Variants in EIF2AK3 observed in about 807,000 individuals in gnomAD.
EIF2AK3 encodes the protein eukaryotic translation initiation factor 2-alpha kinase 3.
A neutral mutation model predicts 113.5 loss-of-function variants in EIF2AK3; 50 were observed. The ratio of observed to expected loss-of-function variants is 0.44; its 90% CI spans 0.35 to 0.56. The LOEUF (loss-of-function observed/expected upper bound fraction) is 0.56. Ranked by LOEUF, EIF2AK3 falls within the 20% of genes least tolerant of loss-of-function variation. The probability of loss-of-function intolerance (pLI) is 0.00; values close to 1 mark genes in which losing one functional copy is unlikely to be tolerated. For missense variants in EIF2AK3, 1,185 were observed against 1,378.0 expected (o/e 0.86, Z 2.22); for synonymous variants, 448 against 495.4 (o/e 0.90, Z 1.27).
intron 13 of EIF2AK3, among the ~76,000 whole-genome samples, chr2:88,574,298 C>CA (rs1049147641): frequency 1.3e-4 from 20 of 152,124 alleles, no homozygotes; most frequent in Middle Eastern, 3.2e-3. Context: ...CAGGGTTACT[C>CA]AAAACCATAG....
At chr2:88,608,000 C>T (rs1250273874) in intron 2 of EIF2AK3, among the ~76,000 whole-genome samples, 1 of 152,156 alleles carries the variant, frequency 6.6e-6, no homozygotes, top group Non-Finnish European at 1.5e-5. Flanking sequence ...AGAATTAAGA[C>T]TAAAACTGAA....
At chr2:88,587,626 G>T (rs1010528741) in intron 8 of EIF2AK3, among the ~76,000 whole-genome samples, 1 of 152,078 alleles carries the variant, frequency 6.6e-6, no homozygotes, top group African/African-American at 2.4e-5. Flanking sequence ...AGCTAATAAC[G>T]AGAACCAATG....
At chr2:88,560,312 T>G (rs1342364482) in intron 15 of EIF2AK3, among the ~76,000 whole-genome samples, 2 of 152,236 alleles carry the variant, frequency 1.3e-5, no homozygotes, top group African/African-American at 2.4e-5. Context: ...GTCTTTTTGT[T>G]GAGTTGTAAT....
At chr2:88,597,071 T>G (rs1675039084) in intron 2 of EIF2AK3, among the ~76,000 whole-genome samples, 1 of 152,242 alleles carries the variant, frequency 6.6e-6, no homozygotes, top group African/African-American at 2.4e-5. Context: ...CATAGTTTTT[T>G]GTTCTTTAAG....
At position 88,608,917 on chromosome 2, in the gene EIF2AK3, A is replaced by G. The variant is rs1209486687; in HGVS notation, c.438+4807T>C. ...TTTTTTTGTATTTTGTATTTTTTGTAGAGATGGGGTTTTGCCATGTTGCCC... is the reference window on the plus strand; with the variant it reads ...TTTTTTTGTATTTTGTATTTTTTGTGGAGATGGGGTTTTGCCATGTTGCCC... On this transcript the variant is annotated intron_variant, in intron 2 of 16. Transcript: ENST00000303236. Among the ~76,000 whole-genome samples the G allele has an allele frequency of 3.5e-5, 5 of 141,902 alleles. No homozygotes were observed. In the East Asian group the frequency reaches 1.0e-3, roughly 29 times the overall value. 93.1% of individuals were successfully genotyped at this position (141,902 alleles called of 152,430 possible).
chr2:88,563,236 G>A (rs150386501), intron 14 of EIF2AK3, among the ~76,000 whole-genome samples: 1 of 152,280 alleles, frequency 6.6e-6, no homozygotes, highest in Non-Finnish European at 1.5e-5. Context: ...CAGGGCAGTT[G>A]CCAGGGTTTA....
At position 88,588,297 on chromosome 2, in the gene EIF2AK3, TAAAC is replaced by T. The variant is rs938490668; in HGVS notation, c.1307-197_1307-194del. ...AGTTTTACAGAGAATCTGAGTTGTT[TAAAC>T]AAACAATTAAAATATGACATGACAT... is the stretch of plus-strand genomic sequence containing the variant. On this transcript the variant is annotated intron_variant, in intron 7 of 16. Transcript: ENST00000303236. 1.8e-4 allele frequency among the ~76,000 whole-genome samples: 28 copies of T among 152,176 alleles called. 1 individual carries two copies. The highest frequency in any genetic ancestry group is 2.0e-4 in the Admixed American group (3 of 15,268).
chr2:88,594,650 AT>A (rs1674968553), intron 3 of EIF2AK3, among the ~76,000 whole-genome samples: 1 of 152,124 alleles, frequency 6.6e-6, no homozygotes, highest in South Asian at 2.1e-4. Context: ...TCTAAGTTAA[AT>A]GTGACCCTGG....
intron 1 of EIF2AK3, among the ~76,000 whole-genome samples, chr2:88,622,195 C>T (rs1303460191): frequency 6.6e-6 from 1 of 152,126 alleles, no homozygotes; most frequent in Non-Finnish European, 1.5e-5. Context: ...CCACGCCCGG[C>T]CCTATGAAAG....
intron 6 of EIF2AK3, 22 bp from the exon 7 acceptor site, chr2:88,588,923 C>T: frequency 6.2e-7 from 1 of 1,611,892 alleles, no homozygotes; most frequent in Non-Finnish European, 8.5e-7. Context: ...AGAACATTGT[C>T]AATTATGCAT....
intron 12 of EIF2AK3, among the ~76,000 whole-genome samples, chr2:88,575,815 C>A (rs1674444472): frequency 6.6e-6 from 1 of 152,266 alleles, no homozygotes; most frequent in African/African-American, 2.4e-5. Context: ...TTCACTTGGT[C>A]CTTCTATGGC....
intron 2 of EIF2AK3, among the ~76,000 whole-genome samples, chr2:88,596,260 A>G (rs1161177277): frequency 6.6e-6 from 1 of 152,044 alleles, no homozygotes; most frequent in Non-Finnish European, 1.5e-5. Flanking sequence ...CCTAGTAAGT[A>G]AGCTTACTGG....
In EIF2AK3 at chr2:88,575,081, C is replaced by G; in HGVS notation, c.2402G>C (p.Arg801Thr). ...EASPYVRSRE[R>T]TSSSIVFEDS... ...TTCAAATACTATTGAAGAGGAGGTTCTCTCCCTTGACCTTACATAAGGAGA... is the reference window on the plus strand; with the variant it reads ...TTCAAATACTATTGAAGAGGAGGTTGTCTCCCTTGACCTTACATAAGGAGA... The change falls in exon 13 of 17, where the codon AGA becomes ACA. Residue 801 changes from arginine to threonine, a missense_variant. Arg to Thr is a moderately conservative substitution (Grantham distance 71). Coordinates refer to ENST00000303236, the MANE Select transcript of EIF2AK3 (RefSeq NM_004836.7). The G allele has an allele frequency of 3.1e-6, 5 of 1,614,216 alleles. No homozygotes were observed. The highest frequency in any genetic ancestry group is 4.2e-6 in the Non-Finnish European group (5 of 1,180,042).
Position 88,557,664 on chromosome 2 carries a change from T to A in EIF2AK3, c.*72A>T. 6.5e-7 allele frequency: 1 copy of A among 1,533,376 alleles called. No individual in the cohort carries two copies. The highest frequency in any genetic ancestry group is 9.0e-7 in the Non-Finnish European group (1 of 1,106,912). The allele number at this position is 1,533,376 out of a possible 1,614,324, so 95.0% of individuals were successfully genotyped here. On this transcript the variant is annotated 3_prime_UTR_variant, in exon 17 of 17. Transcript: ENST00000303236. ...AGAACAAACTTTTCAAGTCTGCAAT[T>A]TTGGACAGGCATATTCTAAGAAGTA... is the stretch of plus-strand genomic sequence containing the variant.
chr2:88,616,023 C>T (rs1675560263), intron 1 of EIF2AK3, among the ~76,000 whole-genome samples: 1 of 149,106 alleles, frequency 6.7e-6, no homozygotes, highest in South Asian at 2.1e-4. Flanking sequence ...TCACCACGCT[C>T]TTTTTTTTTT....
At chr2:88,594,844 A>C (rs1674974317) in intron 3 of EIF2AK3, among the ~76,000 whole-genome samples, 2 of 151,216 alleles carry the variant, frequency 1.3e-5, no homozygotes, top group East Asian at 3.9e-4. Flanking sequence ...AAAAAAAAAA[A>C]AAAAACGAAA....
intron 12 of EIF2AK3, 84 bp from the exon 13 acceptor site, chr2:88,575,530 T>A: frequency 2.0e-6 from 3 of 1,465,170 alleles, no homozygotes; most frequent in Non-Finnish European, 2.8e-6. Flanking sequence ...TTAAAAAGCT[T>A]CAACTGTAAT....
chr2:88,568,243 T>C (rs992611323), intron 14 of EIF2AK3, among the ~76,000 whole-genome samples: 2 of 152,234 alleles, frequency 1.3e-5, no homozygotes, highest in Non-Finnish European at 2.9e-5. Flanking sequence ...TCTTGAAGTA[T>C]GGTCCATGGA....
chr2:88,592,405 A>G (rs949986793), intron 4 of EIF2AK3, among the ~76,000 whole-genome samples: 5 of 152,220 alleles, frequency 3.3e-5, no homozygotes, highest in Non-Finnish European at 7.3e-5. Context: ...GCTCAAAGAA[A>G]CACATCAATT....
Sources: allele counts gnomAD v4.1 joint callset (sites outside exome capture counted in the v4.1 genomes callset), GRCh38; gene constraint gnomAD v4.1.1; transcripts MANE v1.5; gene names NCBI Gene and HGNC (gene_info 2026-07-23, HGNC 2026-07-21).